Variants in DLGAP2 observed in about 807,000 individuals in gnomAD.
DLGAP2 encodes the protein DLG associated protein 2, also known as disks large-associated protein 2.
DLGAP2 carries 26 observed loss-of-function variants against 100.3 expected under a neutral mutation model. That is an observed-to-expected ratio of 0.26 (90% confidence interval 0.19 to 0.36). DLGAP2 has a LOEUF of 0.36. Among genes scored for constraint, DLGAP2 ranks in the 10% least tolerant of loss-of-function variants. The pLI, the probability that DLGAP2 is intolerant of heterozygous loss-of-function variation, is 1.00. For missense variants in DLGAP2, 1,858 were observed against 1,453.2 expected, an observed-to-expected ratio of 1.28 and a Z score of -4.53; for synonymous variants, 886 against 630.1, an observed-to-expected ratio of 1.41 and a Z score of -6.08.
chr8:1,504,730 T>G (rs980307352), intron 4 of DLGAP2, among the ~76,000 whole-genome samples: 5 of 152,228 alleles, frequency 3.3e-5, no homozygotes, highest in African/African-American at 1.2e-4. Flanking sequence ...TTTCTCACTT[T>G]TTAAGACTGA....
At chr8:1,026,166 A>G (rs1283618482) in intron 2 of DLGAP2, among the ~76,000 whole-genome samples, 4 of 152,166 alleles carry the variant, frequency 2.6e-5, no homozygotes, top group African/African-American at 9.6e-5. Context: ...GGCTGTGAAA[A>G]TGGAATCGTT....
intron 3 of DLGAP2, among the ~76,000 whole-genome samples, chr8:1,371,577 T>A (rs1267187301): frequency 6.6e-6 from 1 of 152,220 alleles, no homozygotes; most frequent in Non-Finnish European, 1.5e-5. Flanking sequence ...TCACTTCCCG[T>A]GACTTGATTG....
At chr8:1,157,920 C>T (rs145272397) in intron 2 of DLGAP2, among the ~76,000 whole-genome samples, 2 of 152,296 alleles carry the variant, frequency 1.3e-5, no homozygotes, top group African/African-American at 4.8e-5. Flanking sequence ...TTGTGTACGT[C>T]AACAGTTATC....
intron 8 of DLGAP2, among the ~76,000 whole-genome samples, chr8:1,665,588 G>A (rs1798523945): frequency 6.6e-6 from 1 of 152,168 alleles, no homozygotes; most frequent in Non-Finnish European, 1.5e-5. Context: ...TCTCTCTGTT[G>A]CCTTTGATTT....
At chr8:1,162,897 G>A (rs906366224) in intron 2 of DLGAP2, among the ~76,000 whole-genome samples, 3 of 152,216 alleles carry the variant, frequency 2.0e-5, no homozygotes, top group Non-Finnish European at 4.4e-5. Context: ...CTGGGCTGGG[G>A]TCCACGATGG....
chr8:1,565,986 A>T, intron 6 of DLGAP2, 92 bp downstream of exon 6: 2 of 1,118,126 alleles, frequency 1.8e-6, no homozygotes, highest in South Asian at 1.9e-5. Flanking sequence ...GCTGAGTGCC[A>T]TCCATTTAAA....
Position 1,535,415 on chromosome 8 carries a change from C to T in DLGAP2, c.173-13211C>T, listed in dbSNP as rs143326819. ...AATGCGCTTGCCTGGCCTCACCCCA[C>T]GATGGGTCAGGAACGATGGCCAAGA... On this transcript the variant is annotated intron_variant, in intron 4 of 14. Coordinates refer to ENST00000637795, the MANE Select transcript of DLGAP2 (RefSeq NM_001346810.2). 1.4e-3 allele frequency among the ~76,000 whole-genome samples: 215 copies of T among 152,296 alleles called. 2 individuals carry two copies. Among genetic ancestry groups the T allele is most frequent in the African/African-American group, 4.9e-3 (202 of 41,562 alleles).
chr8:1,514,811 G>A (rs111332049), intron 4 of DLGAP2, among the ~76,000 whole-genome samples: 4 of 152,330 alleles, frequency 2.6e-5, no homozygotes, highest in African/African-American at 9.6e-5. Context: ...AGGAAGGCCG[G>A]CCTGAGTCCG....
intron 1 of DLGAP2, among the ~76,000 whole-genome samples, chr8:802,450 G>C (rs545606487): frequency 7.9e-5 from 12 of 152,352 alleles, no homozygotes; most frequent in Admixed American, 7.8e-4. Context: ...TGGCCTCAGC[G>C]GGTCCCGCAT....
At chr8:947,624 G>A (rs1430140613) in intron 2 of DLGAP2, among the ~76,000 whole-genome samples, 1 of 152,198 alleles carries the variant, frequency 6.6e-6, no homozygotes, top group African/African-American at 2.4e-5. Context: ...GCTTCAGCCT[G>A]GTCACCACCT....
At chr8:1,586,542 G>A (rs956186927) in intron 6 of DLGAP2, among the ~76,000 whole-genome samples, 3 of 152,194 alleles carry the variant, frequency 2.0e-5, no homozygotes, top group African/African-American at 4.8e-5. Context: ...CTACCCCGGG[G>A]TCTGCTGGTT....
At chr8:980,601 G>A (rs1800303529) in intron 2 of DLGAP2, among the ~76,000 whole-genome samples, 2 of 152,294 alleles carry the variant, frequency 1.3e-5, no homozygotes, top group South Asian at 4.1e-4. Context: ...TGTCCATGGC[G>A]CTGAACTCTG....
intron 1 of DLGAP2, among the ~76,000 whole-genome samples, chr8:771,076 T>A (rs1239318271): frequency 6.6e-6 from 1 of 152,148 alleles, no homozygotes; most frequent in African/African-American, 2.4e-5. Flanking sequence ...TTCGTGAAGT[T>A]GTGACAGGTC....
At chr8:1,001,318 C>T (rs1034880579) in intron 2 of DLGAP2, among the ~76,000 whole-genome samples, 7 of 152,080 alleles carry the variant, frequency 4.6e-5, no homozygotes, top group East Asian at 3.9e-4. Flanking sequence ...AGAAGTCTGC[C>T]GAGCAGTTTT....
rs543821157 is a variant in DLGAP2, at chr8:1,633,644, A to G, written c.1810+598A>G. 5.9e-5 allele frequency among the ~76,000 whole-genome samples: 9 copies of G among 152,298 alleles called. No homozygotes were observed. In the East Asian group the frequency reaches 9.6e-4, roughly 16 times the overall value. ...ACTGCCTAATATTTTACTGCCTAAT[A>G]TGTTATTATTTCTATAACACGATGA... On this transcript the variant is annotated intron_variant, in intron 8 of 14. Transcript: ENST00000637795.
intron 2 of DLGAP2, among the ~76,000 whole-genome samples, chr8:1,091,816 T>G (rs933815583): frequency 6.6e-6 from 1 of 151,622 alleles, no homozygotes; most frequent in Non-Finnish European, 1.5e-5. Flanking sequence ...GCAGCCCCTG[T>G]AATTCCTGCC....
intron 3 of DLGAP2, among the ~76,000 whole-genome samples, chr8:1,480,830 C>T (rs991388578): frequency 4.1e-5 from 6 of 148,074 alleles, no homozygotes; most frequent in African/African-American, 1.5e-4. Context: ...CACGCCATTG[C>T]ACTCCAGCCT....
intron 1 of DLGAP2, among the ~76,000 whole-genome samples, chr8:741,982 C>T (rs10090755): frequency 0.36 from 54,495 of 152,072 alleles, 9,954 homozygotes; most frequent in African/African-American, 0.42. Flanking sequence ...AGAAGGGCGG[C>T]TGTTATGCAG....
intron 2 of DLGAP2, among the ~76,000 whole-genome samples, chr8:1,140,069 A>G (rs904756155): frequency 1.3e-5 from 2 of 152,194 alleles, no homozygotes; most frequent in Non-Finnish European, 2.9e-5. Context: ...TGTAAGCATC[A>G]TAACAGTGTG....
Sources: allele counts gnomAD v4.1 joint callset (sites outside exome capture counted in the v4.1 genomes callset), GRCh38; gene constraint gnomAD v4.1.1; transcripts MANE v1.5; gene names NCBI Gene and HGNC (gene_info 2026-07-23, HGNC 2026-07-21).